The following UBXN2A variants were observed in gnomAD, a reference collection of about 807,000 sequenced individuals.
UBXN2A encodes UBX domain-containing protein 2A.
Under a neutral mutation model 28.4 loss-of-function variants are expected in UBXN2A, and 28 were observed. The ratio of observed to expected loss-of-function variants is 0.99; its 90% CI spans 0.73 to 1.35. The LOEUF (loss-of-function observed/expected upper bound fraction) is 1.35, where lower values mean the gene tolerates loss of function less well. UBXN2A is among the 40% of genes most tolerant of loss of function. The pLI, the probability that UBXN2A is intolerant of heterozygous loss-of-function variation, is 0.00. For missense variants in UBXN2A, 253 were observed against 297.9 expected (o/e 0.85, Z 1.11); for synonymous variants, 97 against 103.6 (o/e 0.94, Z 0.39).
intron 1 of UBXN2A, among the ~76,000 whole-genome samples, chr2:23,928,395 G>A (rs771104151): frequency 6.6e-6 from 1 of 152,180 alleles, no homozygotes; most frequent in Non-Finnish European, 1.5e-5. Flanking sequence ...GGCCAACATG[G>A]TGAAACCCCC....
intron 4 of UBXN2A, among the ~76,000 whole-genome samples, chr2:23,979,929 TA>T (rs1259881209): frequency 0.024 from 3,535 of 145,864 alleles, 138 homozygotes; most frequent in African/African-American, 0.081. Context: ...TTTATTTATG[TA>T]AAAAAAAAAA....
At chr2:23,965,573 C>T (rs766792384) in intron 2 of UBXN2A, among the ~76,000 whole-genome samples, 22 of 152,104 alleles carry the variant, frequency 1.4e-4, no homozygotes, top group Middle Eastern at 3.2e-3. Context: ...AAATCCTACA[C>T]GGTTGTGGTG....
intron 3 of UBXN2A, 146 bp from the exon 4 acceptor site, chr2:23,976,820 GTCC>G: frequency 1.8e-6 from 1 of 550,332 alleles, no homozygotes; most frequent in Non-Finnish European, 3.2e-6. Flanking sequence ...GGCTCAAGTA[GTCC>G]TCCTGTCTTG....
chr2:23,962,297 G>A (rs1706962698), intron 2 of UBXN2A, among the ~76,000 whole-genome samples: 1 of 152,186 alleles, frequency 6.6e-6, no homozygotes, highest in Non-Finnish European at 1.5e-5. Context: ...GCAGAACACA[G>A]TAGACAATGA....
intron 3 of UBXN2A, among the ~76,000 whole-genome samples, chr2:23,975,207 A>G (rs1707603689): frequency 1.3e-5 from 2 of 152,220 alleles, no homozygotes; most frequent in South Asian, 4.1e-4. Flanking sequence ...AGAATCACAT[A>G]TACTAAAAGA....
intron 2 of UBXN2A, among the ~76,000 whole-genome samples, chr2:23,967,979 T>C (rs1200279206): frequency 1.3e-5 from 2 of 151,850 alleles, no homozygotes; most frequent in Non-Finnish European, 2.9e-5. Context: ...CAGGCTAAAA[T>C]GCAGTAGTTA....
At chr2:23,982,346 G>A (rs1448726387) in intron 4 of UBXN2A, among the ~76,000 whole-genome samples, 1 of 151,060 alleles carries the variant, frequency 6.6e-6, no homozygotes, top group Non-Finnish European at 1.5e-5. Context: ...CAGCCTGGGC[G>A]ACAGAGCAAG....
intron 4 of UBXN2A, among the ~76,000 whole-genome samples, chr2:23,981,636 G>C (rs1003136843): frequency 4.6e-5 from 7 of 152,020 alleles, no homozygotes; most frequent in African/African-American, 1.7e-4. Context: ...GCTCACACCT[G>C]TAATCCCAAC....
chr2:23,932,211 G>A (rs919069711), intron 1 of UBXN2A, among the ~76,000 whole-genome samples: 3 of 150,946 alleles, frequency 2.0e-5, no homozygotes, highest in Non-Finnish European at 4.4e-5. Flanking sequence ...CCAGCTAGTC[G>A]AGAGGCCGAG....
chr2:23,996,180 C>T (rs61464843), intron 6 of UBXN2A, among the ~76,000 whole-genome samples: 23 of 151,416 alleles, frequency 1.5e-4, no homozygotes, highest in African/African-American at 5.6e-4. Context: ...GATTCTCCTG[C>T]CTCAGCCTCC....
At chr2:23,991,932 T>C (rs1254064167) in intron 6 of UBXN2A, among the ~76,000 whole-genome samples, 1 of 151,792 alleles carries the variant, frequency 6.6e-6, no homozygotes, top group Non-Finnish European at 1.5e-5. Context: ...GCTGGGATTA[T>C]AGGCACCTGC....
At chr2:23,955,034 G>C (rs954779130) in intron 1 of UBXN2A, among the ~76,000 whole-genome samples, 1 of 151,064 alleles carries the variant, frequency 6.6e-6, no homozygotes, top group East Asian at 1.9e-4. Flanking sequence ...CCGGGTTCAG[G>C]CCATTCTCCT....
rs746053681 is a variant in UBXN2A, at chr2:23,999,851, A to G, written c.764A>G (p.Glu255Gly). 121 of 1,612,364 alleles carry G rather than the reference A, an allele frequency of 7.5e-5. No homozygotes were observed. The highest frequency in any genetic ancestry group is 9.0e-5 in the Non-Finnish European group (106 of 1,179,500). The change falls in exon 7 of 7, where the codon GAA (glutamate) becomes GGA (glycine). Residue 255 changes from glutamate to glycine, a missense_variant. Transcript: ENST00000309033. ...CTCCAAAAAACTGCATCTTTTAGAG[A>G]ACTTTCAGAGCACTGATTTTTGATA... is the stretch of plus-strand genomic sequence containing the variant. ...QRLQKTASFR[E>G]LSEH
intron 3 of UBXN2A, among the ~76,000 whole-genome samples, chr2:23,975,160 A>G (rs1707601898): frequency 6.6e-6 from 1 of 152,162 alleles, no homozygotes. Flanking sequence ...TGAGCAATAT[A>G]TGATGTTATA....
chr2:23,949,596 C>T (rs571928602), intron 1 of UBXN2A, among the ~76,000 whole-genome samples: 25 of 151,144 alleles, frequency 1.7e-4, no homozygotes, highest in Middle Eastern at 3.6e-3. Flanking sequence ...TATTTATAGC[C>T]GGGCGTGGTT....
In UBXN2A at chr2:23,929,720, A is replaced by G. The variant is rs535580802; in HGVS notation, c.-138+2105A>G. On this transcript the variant is annotated intron_variant, in intron 1 of 7. Coordinates refer to the UBXN2A transcript ENST00000404924. ...AGTGCAAAACTCCATCTCAAAAAAA[A>G]ATAAATAAATAAAAAGGCTAGTGTC... Among the ~76,000 whole-genome samples the G allele has an allele frequency of 2.4e-3, 370 of 152,142 alleles. 1 individual carries two copies. The highest frequency in any genetic ancestry group is 3.5e-3 in the Admixed American group (54 of 15,278).
intron 2 of UBXN2A, among the ~76,000 whole-genome samples, chr2:23,960,519 T>G (rs1000988413): frequency 1.3e-5 from 2 of 152,186 alleles, no homozygotes; most frequent in African/African-American, 4.8e-5. Context: ...CATTCACAGA[T>G]TTTTGCAGTC....
At chr2:23,932,240 C>T (rs757253850) in intron 1 of UBXN2A, among the ~76,000 whole-genome samples, 24 of 151,890 alleles carry the variant, frequency 1.6e-4, no homozygotes, top group Non-Finnish European at 3.1e-4. Flanking sequence ...ATTGCTTGAA[C>T]CCTGGAGGCA....
rs1708762773 is a variant in UBXN2A at position 24,004,228 on chromosome 2, G to A, written c.*4361G>A. ...TAATTATCAAAAGAGGTTGACTTTG[G>A]AAAACAAACAATTTGCTAAGGGAAG... On this transcript the variant is annotated 3_prime_UTR_variant, in exon 7 of 7. Transcript: ENST00000309033. 1.5e-5 allele frequency: 1 copy of A among 67,838 alleles called. No homozygotes were observed. The highest frequency in any genetic ancestry group is 3.5e-5 in the Non-Finnish European group (1 of 28,628). 4.2% of individuals were successfully genotyped at this position (67,838 alleles called of 1,614,324 possible).
Sources: allele counts gnomAD v4.1 joint callset (sites outside exome capture counted in the v4.1 genomes callset), GRCh38; gene constraint gnomAD v4.1.1; transcripts MANE v1.5; gene names NCBI Gene and HGNC (gene_info 2026-07-23, HGNC 2026-07-21).